Variants in FNDC1 observed in about 807,000 individuals in gnomAD.
FNDC1 encodes fibronectin type III domain-containing protein 1.
A neutral mutation model predicts 168.0 loss-of-function variants in FNDC1; 96 were observed. That is an observed-to-expected ratio of 0.57 (90% confidence interval 0.48 to 0.68). The LOEUF is 0.68. FNDC1 is among the 30% of genes least tolerant of loss of function. The pLI, the probability that FNDC1 is intolerant of heterozygous loss-of-function variation, is 0.00. For missense variants in FNDC1, 2,587 were observed against 2,482.1 expected (o/e 1.04, Z -0.90); for synonymous variants, 1,099 against 1,025.9 (o/e 1.07, Z -1.36).
intron 22 of FNDC1, among the ~76,000 whole-genome samples, chr6:159,269,326 T>C (rs1777676144): frequency 1.1e-5 from 1 of 89,620 alleles, no homozygotes; most frequent in African/African-American, 3.4e-5. Flanking sequence ...TTTATCTAAC[T>C]ATCTATCTAT....
Position 159,215,138 on chromosome 6 carries a change from A to T in FNDC1, c.654A>T (p.Glu218Asp), listed in dbSNP as rs1782684846. 2.5e-6 allele frequency: 4 copies of T among 1,613,526 alleles called. No individual in the cohort carries two copies. Among genetic ancestry groups the T allele is most frequent in the Non-Finnish European group, 3.4e-6 (4 of 1,179,552 alleles). ...VPLTRDERTHEIKKLASESVY... is the reference protein window; with the variant it reads ...VPLTRDERTHDIKKLASESVY... ...TGACAAGAGATGAACGGACACACGAAATTAAAAAGCTAGGTGAGTTTCATA... is the reference window on the plus strand; with the variant it reads ...TGACAAGAGATGAACGGACACACGATATTAAAAAGCTAGGTGAGTTTCATA... The change falls in exon 5 of 23, where the codon GAA (glutamate) becomes GAT (aspartate). Residue 218 changes from glutamate to aspartate, a missense_variant. By Grantham distance (45) the Glu-to-Asp change is conservative. Transcript: ENST00000297267.
At chr6:159,249,011 C>A (rs748748092) in intron 15 of FNDC1, 28 bp from the exon 16 acceptor site, 56 of 1,576,424 alleles carry the variant, frequency 3.6e-5, no homozygotes, top group Non-Finnish European at 4.7e-5. Context: ...TGGCAGTGCC[C>A]AATTACAGAG....
intron 3 of FNDC1, 75 bp from the exon 4 acceptor site, chr6:159,200,438 A>G (rs1292219674): frequency 1.8e-6 from 2 of 1,093,726 alleles, no homozygotes; most frequent in Non-Finnish European, 2.7e-6. Context: ...TTAATTATAC[A>G]TTATGGATGC....
intron 1 of FNDC1, among the ~76,000 whole-genome samples, chr6:159,196,490 A>G (rs970912497): frequency 6.6e-6 from 1 of 152,170 alleles, no homozygotes; most frequent in Non-Finnish European, 1.5e-5. Context: ...TCATCACTAA[A>G]CATGCTCCTT....
intron 9 of FNDC1, among the ~76,000 whole-genome samples, chr6:159,227,777 C>T (rs572410426): frequency 4.9e-4 from 75 of 151,682 alleles, no homozygotes; most frequent in African/African-American, 1.6e-3. Context: ...TCTTGGGCCA[C>T]GCATAAAATA....
rs373737408 is a variant in FNDC1 at position 159,239,533 on chromosome 6, C to A, written c.4197C>A (p.Pro1399=). The change falls in exon 14 of 23, where the codon CCC becomes CCA. Residue 1399 remains proline, a synonymous_variant. Transcript: ENST00000297267. Reference sequence around the variant, plus strand: ...TTGTTTCAGATCTGGAAGGGACCCCCGTGGTGAGTCCTGACGGCCTCCCAC... The same window carrying A: ...TTGTTTCAGATCTGGAAGGGACCCCAGTGGTGAGTCCTGACGGCCTCCCAC... ...GRTIVDLEGT[P]VVSPDGLPLF... is the part of the protein sequence containing the mutation. The A allele has an allele frequency of 3.7e-6, 6 of 1,600,020 alleles. No homozygotes were observed. Among genetic ancestry groups the A allele is most frequent in the Non-Finnish European group, 5.1e-6 (6 of 1,171,662 alleles).
chr6:159,238,253 G>A (rs1024477277), intron 12 of FNDC1, among the ~76,000 whole-genome samples: 2 of 151,892 alleles, frequency 1.3e-5, no homozygotes, highest in East Asian at 1.9e-4. Context: ...GCCCGCCACC[G>A]CGCCTGGCTA....
intron 1 of FNDC1, among the ~76,000 whole-genome samples, chr6:159,195,920 C>A (rs1782233547): frequency 6.6e-6 from 1 of 152,216 alleles, no homozygotes; most frequent in South Asian, 2.1e-4. Context: ...GAGAAACACT[C>A]AACCATGAGC....
chr6:159,191,116 C>A (rs372953340), intron 1 of FNDC1, among the ~76,000 whole-genome samples: 3 of 152,262 alleles, frequency 2.0e-5, no homozygotes, highest in East Asian at 3.9e-4. Context: ...TTTCAAATAA[C>A]CATATCTTGT....
Position 159,189,138 on chromosome 6 carries a change from C to G in FNDC1, c.110-8293C>G, listed in dbSNP as rs377399210. On this transcript the variant is annotated intron_variant, in intron 1 of 22. Coordinates refer to ENST00000297267, the MANE Select transcript of FNDC1 (RefSeq NM_032532.3). ...GGATGGCAAAAACCCAACTTGAGCT[C>G]ATTTAAATTCCAGAATTCATTGGTT... Among the ~76,000 whole-genome samples the G allele has an allele frequency of 1.6e-4, 25 of 152,310 alleles. 1 individual carries two copies. The South Asian group carries it at 5.0e-3, about 30-fold the overall frequency.
rs1448480615 is a variant in FNDC1 at position 159,239,743 on chromosome 6, C to G, written c.4407C>G (p.Thr1469=). The change falls in exon 14 of 23, where the codon ACC becomes ACG. Residue 1469 remains threonine, a synonymous_variant. Transcript: ENST00000297267. ...CTACCACTACAACCCCGAGGCCCAC[C>G]ACTGCCACCACCCGCCGCACGACCA... The part of the protein sequence containing the change: ...PLPTTTTPRP[T]TATTRRTTTT... The G allele has an allele frequency of 3.4e-6, 5 of 1,450,940 alleles. No individual in the cohort carries two copies. The highest frequency in any genetic ancestry group is 3.8e-6 in the Non-Finnish European group (4 of 1,062,624). The allele number at this position is 1,450,940 out of a possible 1,614,324, so 89.9% of individuals were successfully genotyped here. A position where few individuals can be genotyped will look rare whatever the true frequency, so the allele number is the denominator to read the frequency against.
In FNDC1 at chr6:159,234,008, C is replaced by A; in HGVS notation, c.3496C>A (p.Pro1166Thr). The change falls in exon 11 of 23, where the codon CCC (proline) becomes ACC (threonine). Residue 1166 changes from proline to threonine, a missense_variant. By Grantham distance (38) the Pro-to-Thr change is conservative. Coordinates refer to ENST00000297267, the MANE Select transcript of FNDC1 (RefSeq NM_032532.3). The stretch of plus-strand genomic sequence containing the variant: ...GAAGTCGGAGCCTCCTTCCAAGCGG[C>A]CCCTGTCCTCCAAGTCCCAGCAGTC... ...PGKSEPPSKR[P>T]LSSKSQQSVS... is the part of the protein sequence containing the mutation. 4 of 1,607,720 alleles carry A rather than the reference C, an allele frequency of 2.5e-6. No homozygotes were observed. Among genetic ancestry groups the A allele is most frequent in the Non-Finnish European group, 2.5e-6 (3 of 1,177,662 alleles).
At chr6:159,223,711 T>G in intron 7 of FNDC1, 66 bp downstream of exon 7, 2 of 898,548 alleles carry the variant, frequency 2.2e-6, no homozygotes, top group Non-Finnish European at 3.5e-6. Context: ...TGAAAAGACA[T>G]GTATTTAATG....
In FNDC1 at chr6:159,215,488, T is replaced by C. The variant is rs139659789; in HGVS notation, c.667+337T>C. On this transcript the variant is annotated intron_variant, in intron 5 of 22. Coordinates refer to ENST00000297267, the MANE Select transcript of FNDC1 (RefSeq NM_032532.3). ...TTTTGTCATTTTGTTCTTTGAAGCT[T>C]TGTCTTAGAATCCTAGGACACTGGG... is the stretch of plus-strand genomic sequence containing the variant. 2.3e-3 allele frequency among the ~76,000 whole-genome samples: 353 copies of C among 152,336 alleles called. 18 individuals carry two copies. The East Asian group carries it at 0.061, about 26-fold the overall frequency.
intron 10 of FNDC1, 57 bp from the exon 11 acceptor site, chr6:159,231,825 T>A (rs758402767): frequency 1.6e-5 from 23 of 1,454,864 alleles, no homozygotes; most frequent in Non-Finnish European, 2.0e-5. Context: ...GTGTCTCACC[T>A]CCGCTTTCGC....
intron 21 of FNDC1, 69 bp from the exon 22 acceptor site, chr6:159,267,735 C>CA (rs957468521): frequency 8.9e-6 from 14 of 1,574,326 alleles, no homozygotes; most frequent in South Asian, 2.3e-5. Context: ...AAAGCTTGTG[C>CA]AAAAAAACTC....
At chr6:159,257,008 G>A (rs947737139) in intron 18 of FNDC1, among the ~76,000 whole-genome samples, 1 of 152,192 alleles carries the variant, frequency 6.6e-6, no homozygotes, top group African/African-American at 2.4e-5. Context: ...ACACTTAAAT[G>A]AACTCGTTCC....
chr6:159,227,131 A>G (rs1032976580), intron 9 of FNDC1, among the ~76,000 whole-genome samples: 1 of 152,270 alleles, frequency 6.6e-6, no homozygotes, highest in Non-Finnish European at 1.5e-5. Flanking sequence ...AAAATAGAGT[A>G]AAACATTCAC....
At chr6:159,189,327 C>T (rs957869581) in intron 1 of FNDC1, among the ~76,000 whole-genome samples, 4 of 152,270 alleles carry the variant, frequency 2.6e-5, no homozygotes, top group African/African-American at 9.6e-5. Context: ...TCCACAGCCT[C>T]GTGAGTAGAA....
Sources: gnomAD v4.1 joint callset for allele counts (sites outside exome capture counted in the v4.1 genomes callset) on GRCh38, gnomAD v4.1.1 for gene constraint, MANE v1.5 for transcripts, NCBI Gene and HGNC (gene_info 2026-07-23, HGNC 2026-07-21) for gene names.